CAPN10: variants seen among roughly 807,000 people sequenced by gnomAD.
CAPN10 encodes the protein calpain-10.
A neutral mutation model predicts 78.4 loss-of-function variants in CAPN10; 71 were observed. The observed-to-expected ratio is 0.91, with a 90% CI of 0.75 to 1.10. The LOEUF (loss-of-function observed/expected upper bound fraction) is 1.10, where lower values mean the gene tolerates loss of function less well. Among genes scored for constraint, CAPN10 ranks in the 50% least tolerant of loss-of-function variants. The pLI is 0.00. For missense variants in CAPN10, 849 were observed against 924.6 expected, an observed-to-expected ratio of 0.92 and a Z score of 1.06; for synonymous variants, 437 against 407.2, an observed-to-expected ratio of 1.07 and a Z score of -0.88.
At chr2:240,595,496 C>G in intron 7 of CAPN10, 192 bp downstream of exon 7, 1 of 631,974 alleles carries the variant, frequency 1.6e-6, no homozygotes, top group South Asian at 1.9e-5. Context: ...TGACCTGAGA[C>G]TGCAGGTCTT....
intron 2 of CAPN10, 75 bp downstream of exon 2, chr2:240,589,549 A>T: frequency 6.6e-7 from 1 of 1,521,952 alleles, no homozygotes; most frequent in Non-Finnish European, 8.8e-7. Flanking sequence ...GAGTACCAGG[A>T]GGCCTTGCGA....
chr2:240,598,610 C>T (rs367590733), intron 11 of CAPN10, 41 bp from the exon 12 acceptor site: 54 of 1,561,594 alleles, frequency 3.5e-5, no homozygotes, highest in Non-Finnish European at 4.4e-5. Flanking sequence ...TGAGAAGGGG[C>T]GAGTGCCACC....
At position 240,596,283 on chromosome 2, in the gene CAPN10, G is replaced by A. The variant is rs369499868; in HGVS notation, c.1279-36G>A. The A allele has an allele frequency of 2.0e-4, 319 of 1,568,808 alleles. 3 individuals are homozygous for A. The highest frequency in any genetic ancestry group is 1.5e-3 in the South Asian group (126 of 85,792). On this transcript the variant is annotated intron_variant, in intron 7 of 11. Coordinates refer to ENST00000391984, the MANE Select transcript of CAPN10 (RefSeq NM_023083.4). ...AAGGCCAGGGCGTCTGACCCCGGCC[G>A]CTCCTCCACACTGAGCCTCCTGCAC... is the stretch of plus-strand genomic sequence containing the variant.
At chr2:240,595,338 A>G in intron 7 of CAPN10, 34 bp downstream of exon 7, 2 of 1,603,426 alleles carry the variant, frequency 1.2e-6, no homozygotes, top group South Asian at 2.2e-5. Flanking sequence ...CGCTCGGTTC[A>G]GCAGGTGGTG....
chr2:240,598,624 G>T (rs368654837), intron 11 of CAPN10, 27 bp from the exon 12 acceptor site: 405 of 1,569,404 alleles, frequency 2.6e-4, no homozygotes, highest in Non-Finnish European at 3.3e-4. Flanking sequence ...TGCCACCGCT[G>T]CCCGGGCCCC....
At position 240,595,053 on chromosome 2, in the gene CAPN10, C is replaced by A. The variant is rs1575450302; in HGVS notation, c.1027C>A (p.Pro343Thr). ...GCTGCTCTGCCATACGCGGGCGCTG[C>A]CTGGGGCCTGGGTCAAGGGCCAGTC... Reference protein sequence around the residue: ...ERLLCHTRALPGAWVKGQSAG... With the variant: ...ERLLCHTRALTGAWVKGQSAG... Residue 343 changes from proline to threonine, a missense_variant, in exon 7 of 12, where the codon CCT becomes ACT. Coordinates refer to ENST00000391984, the MANE Select transcript of CAPN10 (RefSeq NM_023083.4). The A allele has an allele frequency of 3.7e-6, 6 of 1,613,320 alleles. No individual in the cohort carries two copies. Among genetic ancestry groups the A allele is most frequent in the Non-Finnish European group, 4.2e-6 (5 of 1,180,004 alleles).
rs560250660 is a variant in CAPN10 at position 240,593,029 on chromosome 2, A to T, written c.689-877A>T. Among the ~76,000 whole-genome samples the T allele has an allele frequency of 2.0e-5, 3 of 152,334 alleles. No individual in the cohort carries two copies. In the East Asian group the frequency reaches 5.8e-4, roughly 29 times the overall value. On this transcript the variant is annotated intron_variant, in intron 4 of 11. Coordinates refer to ENST00000391984, the MANE Select transcript of CAPN10 (RefSeq NM_023083.4). ...AGACCCTGAGATGAGGTTCAGGAGC[A>T]CGTTGAGAGGTTCAGAGAGCCTGGA...
intron 7 of CAPN10, among the ~76,000 whole-genome samples, chr2:240,595,653 C>T (rs951740464): frequency 6.6e-6 from 1 of 152,236 alleles, no homozygotes; most frequent in Non-Finnish European, 1.5e-5. Flanking sequence ...GGCTGAGGAC[C>T]TGTCAGGGCC....
chr2:240,588,024 G>A (rs2093078895), intron 1 of CAPN10, among the ~76,000 whole-genome samples: 1 of 152,144 alleles, frequency 6.6e-6, no homozygotes, highest in Non-Finnish European at 1.5e-5. Context: ...GGAGTAGATT[G>A]GTTTGAGACG....
intron 5 of CAPN10, chr2:240,594,314 G>A: frequency 1.6e-6 from 1 of 617,674 alleles, no homozygotes; most frequent in Non-Finnish European, 2.8e-6. Context: ...CGCATCCAGA[G>A]GCGTGAAGTT....
intron 4 of CAPN10, chr2:240,592,572 G>T (rs535537972): frequency 2.2e-6 from 1 of 463,750 alleles, no homozygotes; most frequent in African/African-American, 2.0e-5. Flanking sequence ...ACTTTGGGAG[G>T]CTGAGGTGGG....
At position 240,586,780 on chromosome 2, in the gene CAPN10, C is replaced by T. The variant is rs888943361; in HGVS notation, c.-132C>T. 1.1e-6 allele frequency: 1 copy of T among 920,962 alleles called. No homozygotes were observed. 57.0% of individuals were successfully genotyped at this position (920,962 alleles called of 1,614,324 possible). On this transcript the variant is annotated 5_prime_UTR_variant, in exon 1 of 12. Transcript: ENST00000391984. ...GGCCTGGTCCAGCACCTGCGGGGCC[C>T]TCGGGCTTGGAGGGCTGGGCCGGGC...
intron 1 of CAPN10, among the ~76,000 whole-genome samples, chr2:240,588,801 C>T (rs1189738329): frequency 6.6e-6 from 1 of 151,994 alleles, no homozygotes; most frequent in Non-Finnish European, 1.5e-5. Flanking sequence ...TGGGATTCTG[C>T]CCGGGGAGCT....
In CAPN10 at chr2:240,593,923, G is replaced by C. The variant is rs769393197; in HGVS notation, c.706G>C (p.Glu236Gln). Reference sequence around the variant, plus strand: ...TCATGCAGGTGCCCGGGAGCTGGGGGAGTTCCATGCCTTCATTGTCTCGGA... The same window carrying C: ...TCATGCAGGTGCCCGGGAGCTGGGGCAGTTCCATGCCTTCATTGTCTCGGA... The part of the protein sequence containing the change: ...SPRAGARELG[E>Q]FHAFIVSDLR... The change falls in exon 5 of 12, where the codon GAG becomes CAG. Residue 236 changes from glutamate to glutamine, a missense_variant. Transcript: ENST00000391984. 8.3e-5 allele frequency: 133 copies of C among 1,603,914 alleles called. No individual in the cohort carries two copies. The highest frequency in any genetic ancestry group is 1.0e-4 in the Non-Finnish European group (120 of 1,172,876).
Position 240,589,447 on chromosome 2 carries a change from G to C in CAPN10, c.246G>C (p.Leu82=). Reference sequence around the variant, plus strand: ...GGTTCCTGTGTGCCTGCGCCGCGCTGCAGAAGAGCAGGCACCTCCTGGACC... The same window carrying C: ...GGTTCCTGTGTGCCTGCGCCGCGCTCCAGAAGAGCAGGCACCTCCTGGACC... ...DCWFLCACAA[L]QKSRHLLDQV... Residue 82 remains leucine, a synonymous_variant, in exon 2 of 12, where the codon CTG becomes CTC. Coordinates refer to ENST00000391984, the MANE Select transcript of CAPN10 (RefSeq NM_023083.4). 1 of 1,613,700 alleles carries C rather than the reference G, an allele frequency of 6.2e-7. No individual in the cohort carries two copies. Among genetic ancestry groups the C allele is most frequent in the Non-Finnish European group, 8.5e-7 (1 of 1,179,942 alleles).
Position 240,594,687 on chromosome 2 carries a change from C to T in CAPN10, c.975C>T (p.Gly325=), listed in dbSNP as rs780556608. ...TTGGCTACCCGGTCACGGAGGCCGG[C>T]CACCTGCAGAGCCTCTACACAGGTA... The part of the protein sequence containing the change: ...LTVGYPVTEA[G]HLQSLYTERL... The change falls in exon 6 of 12, where the codon GGC becomes GGT. Residue 325 remains glycine (G), a synonymous_variant. Transcript: ENST00000391984. 1.2e-6 allele frequency: 2 copies of T among 1,612,796 alleles called. No individual in the cohort carries two copies. The highest frequency in any genetic ancestry group is 1.7e-6 in the Non-Finnish European group (2 of 1,179,678).
intron 7 of CAPN10, chr2:240,596,066 G>A: frequency 6.5e-7 from 1 of 1,528,000 alleles, no homozygotes; most frequent in Non-Finnish European, 8.8e-7. Context: ...GGGCCACGGT[G>A]CCTTTGTGGG....
intron 10 of CAPN10, 110 bp from the exon 11 acceptor site, chr2:240,598,242 C>T: frequency 1.4e-6 from 2 of 1,462,672 alleles, no homozygotes; most frequent in South Asian, 1.1e-5. Context: ...GGGACCCTTC[C>T]TTGCTGGTCT....
At chr2:240,587,316 C>A (rs1365686607) in intron 1 of CAPN10, among the ~76,000 whole-genome samples, 1 of 152,232 alleles carries the variant, frequency 6.6e-6, no homozygotes, top group South Asian at 2.1e-4. Context: ...AGGCTCAGAG[C>A]GCTGCGAGAG....
Sources: allele counts gnomAD v4.1 joint callset (sites outside exome capture counted in the v4.1 genomes callset), GRCh38; gene constraint gnomAD v4.1.1; transcripts MANE v1.5; gene names NCBI Gene and HGNC (gene_info 2026-07-23, HGNC 2026-07-21).